The following FSTL4 variants were observed in gnomAD, a reference collection of about 807,000 sequenced individuals.
FSTL4 encodes follistatin-related protein 4.
A neutral mutation model predicts 78.2 loss-of-function variants in FSTL4; 28 were observed. The observed-to-expected ratio is 0.36, with a 90% confidence interval of 0.27 to 0.49. The LOEUF (loss-of-function observed/expected upper bound fraction) is 0.49. Ranked by LOEUF, FSTL4 falls within the 20% of genes least tolerant of loss-of-function variation. FSTL4 has a pLI of 0.98. For missense variants in FSTL4, 922 were observed against 1,084.9 expected (o/e 0.85, Z 2.11); for synonymous variants, 422 against 440.5 (o/e 0.96, Z 0.53).
the FSTL4 span, among the ~76,000 whole-genome samples, chr5:133,716,387 ATATATATATATATTCT>A: frequency 6.7e-6 from 1 of 148,548 alleles, no homozygotes; most frequent in African/African-American, 2.5e-5. Flanking sequence ...ATATAAGAAT[ATATATATATATATTCT>A]TATATAAACT....
chr5:133,454,272 G>C (rs1201601281), intron 3 of FSTL4, among the ~76,000 whole-genome samples: 1 of 152,232 alleles, frequency 6.6e-6, no homozygotes, highest in Non-Finnish European at 1.5e-5. Flanking sequence ...AAAAACAAAG[G>C]TTTAATGATA....
At chr5:133,469,951 A>G (rs1477110037) in intron 3 of FSTL4, among the ~76,000 whole-genome samples, 2 of 152,150 alleles carry the variant, frequency 1.3e-5, no homozygotes, top group Non-Finnish European at 2.9e-5. Context: ...CAGAAAAAAA[A>G]AACAGAAGAA....
chr5:133,725,830 A>G, the FSTL4 span, among the ~76,000 whole-genome samples: 2 of 152,230 alleles, frequency 1.3e-5, no homozygotes, highest in African/African-American at 4.8e-5. Flanking sequence ...GTTTGGCATC[A>G]GGTGGGTTTC....
chr5:133,530,810 G>C (rs1759235387), intron 3 of FSTL4, among the ~76,000 whole-genome samples: 1 of 152,206 alleles, frequency 6.6e-6, no homozygotes, highest in Non-Finnish European at 1.5e-5. Flanking sequence ...GCTATACCCA[G>C]GCCCCACACC....
At chr5:133,613,223 T>C (rs977233175), upstream of FSTL4, among the ~76,000 whole-genome samples, 7 of 152,232 alleles carry the variant, frequency 4.6e-5, no homozygotes, top group African/African-American at 7.2e-5. Flanking sequence ...GAGATCAGTC[T>C]TCCTTCCCGA....
chr5:133,455,040 T>A (rs1757458601), intron 3 of FSTL4, among the ~76,000 whole-genome samples: 1 of 152,172 alleles, frequency 6.6e-6, no homozygotes. Context: ...TCACTCAACA[T>A]GGGTTGGTTA....
chr5:133,842,042 C>T, the FSTL4 span, among the ~76,000 whole-genome samples: 1 of 152,214 alleles, frequency 6.6e-6, no homozygotes, highest in Non-Finnish European at 1.5e-5. Flanking sequence ...TTCCACCTTC[C>T]TTCCCTCCTC....
At chr5:133,390,617 A>G (rs1235336923) in intron 4 of FSTL4, among the ~76,000 whole-genome samples, 3 of 152,102 alleles carry the variant, frequency 2.0e-5, no homozygotes, top group African/African-American at 4.8e-5. Flanking sequence ...TGAGGACTCA[A>G]CTCCACAGAC....
the FSTL4 span, among the ~76,000 whole-genome samples, chr5:133,756,744 T>C: frequency 6.6e-6 from 1 of 152,144 alleles, no homozygotes; most frequent in Non-Finnish European, 1.5e-5. Context: ...GCAGGTGCTA[T>C]ATCCGGAGCA....
the FSTL4 span, among the ~76,000 whole-genome samples, chr5:133,716,760 G>A: frequency 6.6e-6 from 1 of 152,218 alleles, no homozygotes; most frequent in African/African-American, 2.4e-5. Context: ...GAACACAGGA[G>A]TGAGCAAAAC....
chr5:133,368,355 C>T (rs113230058), intron 4 of FSTL4, among the ~76,000 whole-genome samples: 8 of 152,330 alleles, frequency 5.3e-5, no homozygotes, highest in African/African-American at 1.4e-4. Context: ...TATTGTCACA[C>T]ACCAGTGCTG....
At chr5:133,770,374 T>C in the FSTL4 span, among the ~76,000 whole-genome samples, 1 of 152,214 alleles carries the variant, frequency 6.6e-6, no homozygotes, top group Admixed American at 6.5e-5. Flanking sequence ...TTTTTCCACA[T>C]CCTTGCCAAT....
chr5:133,352,317 CATATATATACACACAT>C (rs1754846228), intron 4 of FSTL4, among the ~76,000 whole-genome samples: 2 of 95,642 alleles, frequency 2.1e-5, no homozygotes, highest in Non-Finnish European at 4.0e-5. Flanking sequence ...TATATACACA[CATATATATACACACAT>C]ATATATATAC....
At chr5:133,560,377 A>G (rs1759886249) in intron 3 of FSTL4, among the ~76,000 whole-genome samples, 1 of 152,094 alleles carries the variant, frequency 6.6e-6, no homozygotes, top group South Asian at 2.1e-4. Context: ...TTGGGAGAGA[A>G]GTTTATGTTT....
the FSTL4 span, among the ~76,000 whole-genome samples, chr5:133,681,457 G>T: frequency 6.6e-6 from 1 of 152,194 alleles, no homozygotes; most frequent in Admixed American, 6.5e-5. Flanking sequence ...CCCCCATGGA[G>T]TCTGTGATCC....
intron 6 of FSTL4, among the ~76,000 whole-genome samples, chr5:133,267,202 G>A (rs185894656): frequency 3.3e-4 from 51 of 152,308 alleles, no homozygotes; most frequent in African/African-American, 1.2e-3. Flanking sequence ...AGGAGGAGGT[G>A]CAGGATTCTG....
intron 2 of FSTL4, among the ~76,000 whole-genome samples, chr5:133,578,019 T>C (rs1760323954): frequency 6.6e-6 from 1 of 152,002 alleles, no homozygotes; most frequent in South Asian, 2.1e-4. Flanking sequence ...TAAATGACAA[T>C]AAATGGATCA....
At chr5:133,394,567 G>A (rs747887265) in intron 4 of FSTL4, among the ~76,000 whole-genome samples, 54 of 152,362 alleles carry the variant, frequency 3.5e-4, no homozygotes, top group Middle Eastern at 3.4e-3. Flanking sequence ...TCGAATTCTC[G>A]CCGGGCCTCA....
At chr5:133,635,450 A>G in the FSTL4 span, among the ~76,000 whole-genome samples, 1 of 152,242 alleles carries the variant, frequency 6.6e-6, no homozygotes, top group East Asian at 1.9e-4. Context: ...CGTGGACCAG[A>G]AGTCTTACCA....
Sources: gnomAD v4.1 joint callset for allele counts (sites outside exome capture counted in the v4.1 genomes callset) on GRCh38, gnomAD v4.1.1 for gene constraint, MANE v1.5 for transcripts, NCBI Gene and HGNC (gene_info 2026-07-23, HGNC 2026-07-21) for gene names.